Variants in ROBO1 observed in about 807,000 individuals in gnomAD.
ROBO1 encodes roundabout guidance receptor 1.
Under a neutral mutation model 195.9 loss-of-function variants are expected in ROBO1, and 149 were observed. That is an observed-to-expected ratio of 0.76 (90% CI 0.67 to 0.87). The LOEUF is 0.87. Ranked by LOEUF, ROBO1 falls within the 40% of genes least tolerant of loss-of-function variation. The pLI, the probability that ROBO1 is intolerant of heterozygous loss-of-function variation, is 0.00. For synonymous variants in ROBO1, 816 were observed against 733.2 expected (o/e 1.11, Z -1.82); for missense variants, 1,933 against 2,068.3 (o/e 0.93, Z 1.27).
chr3:79,267,547 C>CT (rs200965543), intron 2 of ROBO1, among the ~76,000 whole-genome samples: 2,357 of 140,552 alleles, frequency 0.017, 27 homozygotes, highest in Non-Finnish European at 0.023. Flanking sequence ...AAATCTATCT[C>CT]TTTTTTTTTT....
At chr3:78,623,662 G>A (rs561487325) in intron 26 of ROBO1, among the ~76,000 whole-genome samples, 43 of 152,300 alleles carry the variant, frequency 2.8e-4, no homozygotes, top group Non-Finnish European at 3.8e-4. Flanking sequence ...GAGGAGCAAG[G>A]CTGAAGCAAC....
intron 2 of ROBO1, among the ~76,000 whole-genome samples, chr3:79,146,042 A>AAT (rs1289049510): frequency 6.6e-6 from 1 of 151,568 alleles, no homozygotes; most frequent in African/African-American, 2.4e-5. Context: ...AGAAAGCAAA[A>AAT]AAAAAAAGTC....
intron 2 of ROBO1, among the ~76,000 whole-genome samples, chr3:79,403,215 T>G (rs1487768241): frequency 6.6e-6 from 1 of 151,976 alleles, no homozygotes; most frequent in African/African-American, 2.4e-5. Flanking sequence ...ATTATTTTCT[T>G]TATGATAAAA....
At chr3:78,673,735 C>T (rs920330208) in intron 10 of ROBO1, among the ~76,000 whole-genome samples, 4 of 149,438 alleles carry the variant, frequency 2.7e-5, no homozygotes, top group African/African-American at 7.4e-5. Flanking sequence ...TCAAAAATAG[C>T]GATCATGAAG....
chr3:78,841,425 C>T (rs1052380652), intron 4 of ROBO1, among the ~76,000 whole-genome samples: 1 of 152,140 alleles, frequency 6.6e-6, no homozygotes, highest in Non-Finnish European at 1.5e-5. Flanking sequence ...CTCCCTTCCT[C>T]AATCAGAACA....
intron 3 of ROBO1, among the ~76,000 whole-genome samples, chr3:79,066,302 C>T (rs887627676): frequency 7.9e-5 from 12 of 151,810 alleles, no homozygotes; most frequent in Non-Finnish European, 1.6e-4. Context: ...ATGGGACACA[C>T]ATTGGGGGGC....
In ROBO1 at chr3:78,633,987, GTCGTATGA is replaced by G; in HGVS notation, c.3421_3428del (p.Ser1141ProfsTer15). On this transcript the variant is annotated frameshift_variant, in exon 24 of 31. Transcript: ENST00000464233. LOFTEE classifies it high-confidence loss of function. ...TGTTGTAGGATCCTCCTGTGTTCTG[GTCGTATGA>G]TTGGTTGTATGGGATAGTTGGAGGA... The G allele has an allele frequency of 6.2e-7, 1 of 1,612,874 alleles. No homozygotes were observed. Among genetic ancestry groups the G allele is most frequent in the Non-Finnish European group, 8.5e-7 (1 of 1,179,238 alleles).
chr3:79,606,469 G>C (rs1158726945), intron 1 of ROBO1, among the ~76,000 whole-genome samples: 1 of 151,858 alleles, frequency 6.6e-6, no homozygotes, highest in Non-Finnish European at 1.5e-5. Flanking sequence ...TTAGAGAAAG[G>C]GTCTTGCTTC....
chr3:78,988,637 T>C (rs2077167319), intron 3 of ROBO1, among the ~76,000 whole-genome samples: 1 of 152,190 alleles, frequency 6.6e-6, no homozygotes, highest in South Asian at 2.1e-4. Context: ...TATCCTTTGG[T>C]GCATTATTTC....
intron 2 of ROBO1, among the ~76,000 whole-genome samples, chr3:79,268,368 T>C (rs2030188217): frequency 6.6e-6 from 1 of 151,710 alleles, no homozygotes. Context: ...TCAAACTTTT[T>C]TTCAATTTCA....
At chr3:78,879,705 C>T (rs571857451) in intron 4 of ROBO1, among the ~76,000 whole-genome samples, 5 of 152,098 alleles carry the variant, frequency 3.3e-5, no homozygotes, top group African/African-American at 1.2e-4. Flanking sequence ...GCATTGACTC[C>T]TAGCGTTAAC....
chr3:79,500,564 C>G (rs1940014825), intron 2 of ROBO1, among the ~76,000 whole-genome samples: 2 of 152,222 alleles, frequency 1.3e-5, no homozygotes, highest in Non-Finnish European at 2.9e-5. Context: ...CTCCCTCTAT[C>G]ATCCTGTCCG....
At chr3:79,270,858 A>G (rs2030487687) in intron 2 of ROBO1, among the ~76,000 whole-genome samples, 1 of 151,992 alleles carries the variant, frequency 6.6e-6, no homozygotes, top group Non-Finnish European at 1.5e-5. Flanking sequence ...TGTGCTTCAC[A>G]AACTCTCATA....
At position 79,293,327 on chromosome 3, in the gene ROBO1, A is replaced by C. The variant is rs140389973; in HGVS notation, c.89-167788T>G. Among the ~76,000 whole-genome samples the C allele has an allele frequency of 3.2e-3, 484 of 152,236 alleles. 3 individuals are homozygous for C. The highest frequency in any genetic ancestry group is 0.011 in the African/African-American group (448 of 41,540). On this transcript the variant is annotated intron_variant, in intron 2 of 30. Coordinates refer to ENST00000464233, the MANE Select transcript of ROBO1 (RefSeq NM_002941.4). ...ATATTTCATTAATCTTTTCAAAAAA[A>C]CAGCTACTGATTCATTGATTTTTTG...
intron 2 of ROBO1, among the ~76,000 whole-genome samples, chr3:79,142,396 G>T (rs2108615887): frequency 6.6e-6 from 1 of 152,266 alleles, no homozygotes; most frequent in Non-Finnish European, 1.5e-5. Context: ...AGTCAAGTGA[G>T]ATGTGACTAA....
chr3:79,386,862 A>G (rs1387958198), intron 2 of ROBO1, among the ~76,000 whole-genome samples: 2 of 152,110 alleles, frequency 1.3e-5, no homozygotes, highest in African/African-American at 4.8e-5. Flanking sequence ...GGGCATTGAA[A>G]AGAAAAAACG....
intron 4 of ROBO1, among the ~76,000 whole-genome samples, chr3:78,825,783 G>C (rs2031540227): frequency 6.6e-6 from 1 of 152,052 alleles, no homozygotes. Context: ...TATTCTCTCT[G>C]GGACAATCAT....
At chr3:78,940,947 T>C (rs78605747) in intron 3 of ROBO1, among the ~76,000 whole-genome samples, 1,597 of 152,320 alleles carry the variant, frequency 0.01, 36 homozygotes, top group African/African-American at 0.034. Context: ...TTAACAATCA[T>C]GTATTCTATG....
chr3:79,558,711 C>T (rs9845139), intron 2 of ROBO1, among the ~76,000 whole-genome samples: 37,189 of 151,804 alleles, frequency 0.24, 5,232 homozygotes, highest in African/African-American at 0.38. Context: ...AATGTTGTCT[C>T]GGATTAAATT....
Sources: gnomAD v4.1 joint callset for allele counts (sites outside exome capture counted in the v4.1 genomes callset) on GRCh38, gnomAD v4.1.1 for gene constraint, MANE v1.5 for transcripts, NCBI Gene and HGNC (gene_info 2026-07-23, HGNC 2026-07-21) for gene names.